RIT2: variants seen among roughly 807,000 people sequenced by gnomAD.
The protein encoded by RIT2 is Ras like without CAAX 2, also known as GTP-binding protein Rit2.
RIT2 carries 24 observed loss-of-function variants against 23.7 expected under a neutral mutation model. That is an observed-to-expected ratio of 1.01 (90% CI 0.73 to 1.43). The LOEUF (loss-of-function observed/expected upper bound fraction) is 1.43, where lower values mean the gene tolerates loss of function less well. Among genes scored for constraint, RIT2 ranks in the 40% most tolerant of loss-of-function variants. The probability of loss-of-function intolerance (pLI) is 0.00; values close to 1 mark genes in which losing one functional copy is unlikely to be tolerated. For missense variants in RIT2, 236 were observed against 266.9 expected, an observed-to-expected ratio of 0.88 and a Z score of 0.81; for synonymous variants, 107 against 91.1, an observed-to-expected ratio of 1.17 and a Z score of -0.99.
At chr18:42,787,146 C>T (rs1173309556) in intron 4 of RIT2, among the ~76,000 whole-genome samples, 2 of 111,086 alleles carry the variant, frequency 1.8e-5, no homozygotes, top group Non-Finnish European at 3.4e-5. Flanking sequence ...CACCCCACGA[C>T]AGGCTCCTGT....
chr18:42,745,977 T>C (rs888131757), intron 4 of RIT2, among the ~76,000 whole-genome samples: 33 of 152,272 alleles, frequency 2.2e-4, no homozygotes, highest in African/African-American at 6.0e-4. Context: ...TTTTGTTTTG[T>C]TTTGCTTTGT....
chr18:42,964,051 C>T (rs554185147), intron 3 of RIT2, among the ~76,000 whole-genome samples: 27 of 151,826 alleles, frequency 1.8e-4, no homozygotes, highest in Non-Finnish European at 3.5e-4. Context: ...ATTAGCTGGG[C>T]GCGGTGATGT....
At chr18:43,046,463 G>A (rs572334984) in intron 1 of RIT2, among the ~76,000 whole-genome samples, 7 of 152,132 alleles carry the variant, frequency 4.6e-5, no homozygotes, top group Admixed American at 3.3e-4. Flanking sequence ...AACATGCTTC[G>A]GCTCCACACA....
intron 1 of RIT2, among the ~76,000 whole-genome samples, chr18:43,078,223 C>T (rs546563633): frequency 3.9e-5 from 6 of 152,244 alleles, no homozygotes; most frequent in African/African-American, 1.4e-4. Context: ...TCAATACTCT[C>T]GCACTTGACA....
chr18:42,752,060 CAT>C (rs1913058592), intron 4 of RIT2, among the ~76,000 whole-genome samples: 1 of 151,684 alleles, frequency 6.6e-6, no homozygotes, highest in Non-Finnish European at 1.5e-5. Flanking sequence ...TGAGTCCAAA[CAT>C]GTCAAAAAAA....
chr18:43,104,729 T>C (rs1273350071), intron 1 of RIT2, among the ~76,000 whole-genome samples: 1 of 152,044 alleles, frequency 6.6e-6, no homozygotes, highest in Non-Finnish European at 1.5e-5. Flanking sequence ...ATAAATATAA[T>C]AGGCAGGAAC....
chr18:42,777,653 A>G (rs2143926346), intron 4 of RIT2, among the ~76,000 whole-genome samples: 2 of 152,256 alleles, frequency 1.3e-5, no homozygotes, highest in Middle Eastern at 3.4e-3. Flanking sequence ...GATCCAGGTC[A>G]CCCCTCACTT....
chr18:42,808,875 CTAAA>C (rs1905761058), intron 4 of RIT2, among the ~76,000 whole-genome samples: 1 of 151,994 alleles, frequency 6.6e-6, no homozygotes, highest in Admixed American at 6.6e-5. Context: ...GTAACAGTTA[CTAAA>C]TATAAAATAA....
intron 4 of RIT2, among the ~76,000 whole-genome samples, chr18:42,746,383 A>G (rs1475274130): frequency 6.6e-6 from 1 of 152,258 alleles, no homozygotes; most frequent in East Asian, 1.9e-4. Flanking sequence ...AATCACCTGC[A>G]GTTGCAGTAC....
chr18:42,850,972 A>G (rs1435075678), intron 4 of RIT2, among the ~76,000 whole-genome samples: 1 of 152,200 alleles, frequency 6.6e-6, no homozygotes, highest in Admixed American at 6.5e-5. Context: ...ACCAGATGTT[A>G]TATATTTTTC....
chr18:43,099,183 G>A (rs1913625130), intron 1 of RIT2, among the ~76,000 whole-genome samples: 1 of 151,978 alleles, frequency 6.6e-6, no homozygotes. Flanking sequence ...CTGAAGGTGT[G>A]GGCTCAGGCT....
intron 4 of RIT2, among the ~76,000 whole-genome samples, chr18:42,895,170 T>C (rs1908290114): frequency 6.6e-6 from 1 of 152,198 alleles, no homozygotes; most frequent in Non-Finnish European, 1.5e-5. Flanking sequence ...CATTTTATCC[T>C]AGTAGTCTTT....
In RIT2 at chr18:42,939,611, C is replaced by T. The variant is rs201912781; in HGVS notation, c.235-15848G>A. On this transcript the variant is annotated intron_variant, in intron 3 of 4. Coordinates refer to ENST00000326695, the MANE Select transcript of RIT2 (RefSeq NM_002930.4). ...CTGGTATTACTACTAAAAGAAAATACCTATTTCAAGTTTTAAAATTTTGTT... is the reference window on the plus strand; with the variant it reads ...CTGGTATTACTACTAAAAGAAAATATCTATTTCAAGTTTTAAAATTTTGTT... Among the ~76,000 whole-genome samples, 3 of 152,048 alleles carry T rather than the reference C, an allele frequency of 2.0e-5. No individual in the cohort carries two copies. The East Asian group carries it at 5.8e-4, about 30-fold the overall frequency.
Position 42,929,825 on chromosome 18 carries a change from T to A in RIT2, c.235-6062A>T, listed in dbSNP as rs1909281424. ...GCACAAAATAACAGCCAGGAGCACA[T>A]GTGAGGGGAACTCCAAAGAAGACTC... is the stretch of plus-strand genomic sequence containing the variant. On this transcript the variant is annotated intron_variant, in intron 3 of 4. Transcript: ENST00000326695. Among the ~76,000 whole-genome samples, 3 of 151,878 alleles carry A rather than the reference T, an allele frequency of 2.0e-5. No homozygotes were observed. The South Asian group carries it at 6.2e-4, about 32-fold the overall frequency.
chr18:42,892,450 T>C (rs986750998), intron 4 of RIT2, among the ~76,000 whole-genome samples: 3 of 152,226 alleles, frequency 2.0e-5, no homozygotes, highest in Non-Finnish European at 2.9e-5. Context: ...GTTCTCAGAA[T>C]AGCTTGATAC....
At chr18:42,803,257 A>C (rs7239046) in intron 4 of RIT2, among the ~76,000 whole-genome samples, 1 of 152,128 alleles carries the variant, frequency 6.6e-6, no homozygotes, top group Non-Finnish European at 1.5e-5. Flanking sequence ...GAATATGCCA[A>C]ATTTTCTCAG....
rs187184877 is a variant in RIT2, at chr18:42,831,148, A to G, written c.427-87428T>C. 3.9e-4 allele frequency among the ~76,000 whole-genome samples: 60 copies of G among 152,298 alleles called. 2 individuals carry two copies. The East Asian group carries it at 0.012, about 29-fold the overall frequency. Reference sequence around the variant, plus strand: ...CTAACTAATTATCATTTTAAACTGAACAGATTATGTAAATGAGTGTGCTTG... The same window carrying G: ...CTAACTAATTATCATTTTAAACTGAGCAGATTATGTAAATGAGTGTGCTTG... On this transcript the variant is annotated intron_variant, in intron 4 of 4. Coordinates refer to ENST00000326695, the MANE Select transcript of RIT2 (RefSeq NM_002930.4).
intron 4 of RIT2, among the ~76,000 whole-genome samples, chr18:42,850,051 TTTTAA>T (rs1196407782): frequency 7.3e-5 from 11 of 151,326 alleles, no homozygotes; most frequent in African/African-American, 2.7e-4. Flanking sequence ...GAAAGTATAA[TTTTAA>T]TTTAAGAAAA....
chr18:43,052,012 A>G (rs1912395233), intron 1 of RIT2, among the ~76,000 whole-genome samples: 1 of 152,094 alleles, frequency 6.6e-6, no homozygotes, highest in African/African-American at 2.4e-5. Context: ...GAATATACCC[A>G]GGACTCTGCC....
Sources: gnomAD v4.1 joint callset for allele counts (sites outside exome capture counted in the v4.1 genomes callset) on GRCh38, gnomAD v4.1.1 for gene constraint, MANE v1.5 for transcripts, NCBI Gene and HGNC (gene_info 2026-07-23, HGNC 2026-07-21) for gene names.